RIMS2: variants seen among roughly 807,000 people sequenced by gnomAD.
RIMS2 encodes regulating synaptic membrane exocytosis protein 2.
In RIMS2, 59 loss-of-function variants were observed where a neutral mutation model predicts 174.4. That is an observed-to-expected ratio of 0.34 (90% confidence interval 0.27 to 0.42). The LOEUF is 0.42. Among genes scored for constraint, RIMS2 ranks in the 10% least tolerant of loss-of-function variants. RIMS2 has a pLI of 1.00. For missense variants in RIMS2, 1,620 were observed against 1,666.3 expected (o/e 0.97, Z 0.48); for synonymous variants, 606 against 572.5 (o/e 1.06, Z -0.84).
intron 19 of RIMS2, among the ~76,000 whole-genome samples, chr8:104,174,760 C>G (rs960642325): frequency 2.6e-5 from 4 of 152,162 alleles, no homozygotes; most frequent in African/African-American, 7.2e-5. Context: ...TGAGTTAAGT[C>G]CTGTTCAAAA....
chr8:103,710,090 A>G (rs910326940), intron 2 of RIMS2, among the ~76,000 whole-genome samples: 1 of 151,930 alleles, frequency 6.6e-6, no homozygotes, highest in African/African-American at 2.4e-5. Flanking sequence ...TAGTTGCCTT[A>G]TGTAGAAGGC....
chr8:103,930,404 T>C (rs886238609), intron 11 of RIMS2, among the ~76,000 whole-genome samples: 2 of 151,992 alleles, frequency 1.3e-5, no homozygotes, highest in East Asian at 3.9e-4. Flanking sequence ...CTCAACATAG[T>C]GGTTAGGTAT....
At chr8:104,160,014 C>T (rs1379984803) in intron 19 of RIMS2, among the ~76,000 whole-genome samples, 1 of 152,004 alleles carries the variant, frequency 6.6e-6, no homozygotes, top group Non-Finnish European at 1.5e-5. Flanking sequence ...TGGCTGGCAC[C>T]TGTAATCCCA....
chr8:103,500,707 C>T, upstream of RIMS2: 1 of 534,856 alleles, frequency 1.9e-6, no homozygotes, highest in South Asian at 2.6e-5. Context: ...CTTCCCCACG[C>T]GCTCGCCCTC....
At chr8:104,001,513 T>G (rs141619229) in intron 17 of RIMS2, among the ~76,000 whole-genome samples, 35 of 152,128 alleles carry the variant, frequency 2.3e-4, no homozygotes, top group African/African-American at 8.4e-4. Flanking sequence ...TAATTATGTA[T>G]CTTATATTTC....
chr8:103,861,551 C>T (rs932268559), intron 3 of RIMS2, among the ~76,000 whole-genome samples: 1 of 152,116 alleles, frequency 6.6e-6, no homozygotes, highest in African/African-American at 2.4e-5. Context: ...TGGGAAATCT[C>T]CATACTGTTT....
intron 2 of RIMS2, among the ~76,000 whole-genome samples, chr8:103,763,286 A>C (rs914267306): frequency 6.6e-6 from 1 of 152,068 alleles, no homozygotes; most frequent in Non-Finnish European, 1.5e-5. Context: ...AAAATACAAA[A>C]ATTAGCTGGC....
intron 19 of RIMS2, among the ~76,000 whole-genome samples, chr8:104,032,758 T>C (rs1431976480): frequency 2.0e-5 from 3 of 152,046 alleles, no homozygotes; most frequent in African/African-American, 4.8e-5. Context: ...GCTGACTCAT[T>C]ATTTCATGTT....
Position 104,073,863 on chromosome 8 carries a change from G to A in RIMS2, c.3334+59248G>A, listed in dbSNP as rs530659155. Among the ~76,000 whole-genome samples the A allele has an allele frequency of 9.9e-5, 15 of 152,212 alleles. No individual in the cohort carries two copies. The East Asian group carries it at 1.7e-3, about 18-fold the overall frequency. ...AAGCAATTTGATTAAACTAGTTTAC[G>A]TTAAAATATGAATGACAACACAGAG... On this transcript the variant is annotated intron_variant, in intron 19 of 23. Coordinates refer to ENST00000504942, the Ensembl canonical transcript of RIMS2.
chr8:103,605,882 C>T (rs985566156), intron 1 of RIMS2, among the ~76,000 whole-genome samples: 5 of 150,286 alleles, frequency 3.3e-5, no homozygotes, highest in African/African-American at 4.9e-5. Flanking sequence ...CTATTTGATT[C>T]TTCTCTCTTT....
chr8:103,611,124 G>A (rs2095353772), intron 1 of RIMS2, among the ~76,000 whole-genome samples: 1 of 152,222 alleles, frequency 6.6e-6, no homozygotes, highest in South Asian at 2.1e-4. Flanking sequence ...GGTGTTTGTA[G>A]TAGTAGTCCC....
intron 1 of RIMS2, among the ~76,000 whole-genome samples, chr8:103,572,405 A>G (rs533464102): frequency 2.2e-5 from 3 of 137,070 alleles, no homozygotes; most frequent in African/African-American, 7.3e-5. Context: ...CAGAGCACTG[A>G]TTGGTCCATT....
intron 3 of RIMS2, among the ~76,000 whole-genome samples, chr8:103,874,091 T>G (rs1223912774): frequency 6.6e-6 from 1 of 152,106 alleles, no homozygotes; most frequent in Non-Finnish European, 1.5e-5. Flanking sequence ...ATTTCTATTT[T>G]TAATTATCAC....
intron 1 of RIMS2, among the ~76,000 whole-genome samples, chr8:103,634,713 A>G (rs185053889): frequency 8.5e-5 from 13 of 152,346 alleles, no homozygotes; most frequent in African/African-American, 3.1e-4. Flanking sequence ...TGTTGGGTGC[A>G]TACGTATTTA....
chr8:103,765,685 C>T (rs1331968260), intron 2 of RIMS2, among the ~76,000 whole-genome samples: 1 of 150,360 alleles, frequency 6.7e-6, no homozygotes, highest in Non-Finnish European at 1.5e-5. Context: ...AGAATGTTAA[C>T]CTAATACTAA....
chr8:104,162,325 CA>C (rs1419888921), intron 19 of RIMS2, among the ~76,000 whole-genome samples: 1 of 151,910 alleles, frequency 6.6e-6, no homozygotes, highest in East Asian at 1.9e-4. Flanking sequence ...CTTCTTTGAC[CA>C]AAGAACACCC....
rs750193179 is a variant in RIMS2, at chr8:104,056,378, T to C, written c.3334+41763T>C. Among the ~76,000 whole-genome samples the C allele has an allele frequency of 1.3e-4, 20 of 150,890 alleles. 1 individual carries two copies. Among genetic ancestry groups the C allele is most frequent in the Non-Finnish European group, 2.5e-4 (17 of 67,880 alleles). On this transcript the variant is annotated intron_variant, in intron 19 of 23. Transcript: ENST00000504942. ...GAGATCACGCCATTGCACCCCAGCC[T>C]GGGTGACAGAGTGAGACTCCATCTT... is the stretch of plus-strand genomic sequence containing the variant.
intron 2 of RIMS2, among the ~76,000 whole-genome samples, chr8:103,764,033 C>T (rs974288795): frequency 6.6e-6 from 1 of 152,258 alleles, no homozygotes; most frequent in Middle Eastern, 3.4e-3. Flanking sequence ...CCCAGAGTTT[C>T]CTATTCAGTA....
intron 2 of RIMS2, among the ~76,000 whole-genome samples, chr8:103,741,761 T>C (rs151112574): frequency 1.3e-5 from 2 of 152,260 alleles, no homozygotes; most frequent in East Asian, 3.9e-4. Flanking sequence ...AAGTTATTTT[T>C]ATAAGTATCT....
Sources: gnomAD v4.1 joint callset for allele counts (sites outside exome capture counted in the v4.1 genomes callset) on GRCh38, gnomAD v4.1.1 for gene constraint, MANE v1.5 for transcripts, NCBI Gene and HGNC (gene_info 2026-07-23, HGNC 2026-07-21) for gene names.